Variants in TMEM131L observed in about 807,000 individuals in gnomAD.
TMEM131L encodes the protein transmembrane 131 like, also known as transmembrane protein 131-like.
Under a neutral mutation model 192.2 loss-of-function variants are expected in TMEM131L, and 54 were observed. That is an observed-to-expected ratio of 0.28 (90% CI 0.23 to 0.35). The LOEUF (loss-of-function observed/expected upper bound fraction) is 0.35. TMEM131L is among the 10% of genes least tolerant of loss of function. The pLI, the probability that TMEM131L is intolerant of heterozygous loss-of-function variation, is 1.00. For missense variants in TMEM131L, 1,888 were observed against 1,972.9 expected (o/e 0.96, Z 0.82); for synonymous variants, 701 against 704.9 (o/e 0.99, Z 0.09).
At chr4:153,467,332 G>C in intron 2 of TMEM131L, 51 bp downstream of exon 2, 1 of 1,486,714 alleles carries the variant, frequency 6.7e-7, no homozygotes, top group Non-Finnish European at 9.2e-7. Flanking sequence ...GGGAGGAGAG[G>C]CGGGGAGGCC....
At chr4:153,480,380 C>T (rs984780136) in intron 3 of TMEM131L, among the ~76,000 whole-genome samples, 5 of 151,692 alleles carry the variant, frequency 3.3e-5, no homozygotes, top group East Asian at 1.9e-4. Flanking sequence ...ATAAGCCGGG[C>T]GTGGCAGCAT....
At position 153,636,573 on chromosome 4, in the gene TMEM131L, G is replaced by C. The variant is rs1734598299; in HGVS notation, c.4830G>C (p.Val1610=). ...GAGACTCGAGTTACTGTGGGAATGT[G>C]TGAAAATAATTGGATTTTTAAACAA... ...LSRDSSYCGN[V] is the part of the protein sequence containing the mutation. The change falls in exon 35 of 35, where the codon GTG becomes GTC. Residue 1610 remains valine (V), a synonymous_variant. Coordinates refer to ENST00000409959, the MANE Select transcript of TMEM131L (RefSeq NM_001131007.2). The C allele has an allele frequency of 6.2e-7, 1 of 1,608,734 alleles. No homozygotes were observed. Among genetic ancestry groups the C allele is most frequent in the Admixed American group, 1.7e-5 (1 of 59,728 alleles).
At chr4:153,551,009 AAAGCAACATAAGG>A (rs1737579511) in intron 4 of TMEM131L, among the ~76,000 whole-genome samples, 1 of 152,366 alleles carries the variant, frequency 6.6e-6, no homozygotes, top group South Asian at 2.1e-4. Context: ...TGTGGAGATG[AAAGCAACATAAGG>A]ACTCTTGTTG....
chr4:153,571,149 A>G (rs967931486), intron 7 of TMEM131L, among the ~76,000 whole-genome samples: 1 of 152,074 alleles, frequency 6.6e-6, no homozygotes, highest in Admixed American at 6.5e-5. Flanking sequence ...AAAAACATCT[A>G]TAGTTCAAAC....
At chr4:153,618,625 G>A (rs1299549659) in intron 26 of TMEM131L, among the ~76,000 whole-genome samples, 1 of 152,192 alleles carries the variant, frequency 6.6e-6, no homozygotes, top group Non-Finnish European at 1.5e-5. Flanking sequence ...AACTGAGGCA[G>A]AGAGGCTAAG....
intron 3 of TMEM131L, among the ~76,000 whole-genome samples, chr4:153,475,130 A>T (rs1167459764): frequency 6.6e-6 from 1 of 152,212 alleles, no homozygotes; most frequent in Non-Finnish European, 1.5e-5. Flanking sequence ...TGTTGGCTTC[A>T]TCTTGGGCAA....
chr4:153,622,185 C>G (rs1015538493), intron 28 of TMEM131L, among the ~76,000 whole-genome samples: 1 of 152,166 alleles, frequency 6.6e-6, no homozygotes, highest in Non-Finnish European at 1.5e-5. Context: ...TACCCCCGTG[C>G]CTGAGTCCAG....
chr4:153,486,602 G>T (rs770774862), intron 3 of TMEM131L, among the ~76,000 whole-genome samples: 23 of 152,216 alleles, frequency 1.5e-4, no homozygotes, highest in Non-Finnish European at 3.2e-4. Context: ...GTGCCGTGCA[G>T]CTCCCCTCAC....
At position 153,581,663 on chromosome 4, in the gene TMEM131L, GCCTTTGCTTTAATTA is replaced by G. The variant is rs1208990350; in HGVS notation, c.892+104_892+118del. ...GTATCATAGCAAACCAAGACAAATA[GCCTTTGCTTTAATTA>G]TTAAGTGATTGTAGTAGTAACTGGT... On this transcript the variant is annotated intron_variant, in intron 9 of 34. Transcript: ENST00000409959. The G allele has an allele frequency of 9.8e-6, 7 of 717,458 alleles. No individual in the cohort carries two copies. In the African/African-American group the frequency reaches 1.1e-4, roughly 11 times the overall value. The allele number at this position is 717,458 out of a possible 1,614,324, so 44.4% of individuals were successfully genotyped here.
intron 31 of TMEM131L, among the ~76,000 whole-genome samples, chr4:153,628,738 A>G (rs572265740): frequency 5.3e-5 from 8 of 152,324 alleles, no homozygotes; most frequent in Non-Finnish European, 1.0e-4. Context: ...TGTGAGAGAA[A>G]GGTAGGATTT....
At chr4:153,551,000 G>A (rs528710692) in intron 4 of TMEM131L, among the ~76,000 whole-genome samples, 1 of 152,356 alleles carries the variant, frequency 6.6e-6, no homozygotes, top group South Asian at 2.1e-4. Context: ...GGGTGACGCT[G>A]TGGAGATGAA....
At chr4:153,629,575 C>T (rs904754592) in intron 31 of TMEM131L, among the ~76,000 whole-genome samples, 15 of 152,322 alleles carry the variant, frequency 9.8e-5, no homozygotes, top group East Asian at 3.9e-4. Context: ...TTAGGAGACT[C>T]CTTAGAAGAA....
intron 3 of TMEM131L, among the ~76,000 whole-genome samples, chr4:153,538,398 G>T (rs1736503861): frequency 6.6e-6 from 1 of 152,202 alleles, no homozygotes; most frequent in East Asian, 1.9e-4. Flanking sequence ...GTTTACATCA[G>T]TGCAGGGCCA....
chr4:153,510,865 C>T (rs1251688145), intron 3 of TMEM131L, among the ~76,000 whole-genome samples: 1 of 149,070 alleles, frequency 6.7e-6, no homozygotes, highest in Non-Finnish European at 1.5e-5. Flanking sequence ...CCAGCCTGGA[C>T]AATGTAGTGA....
intron 11 of TMEM131L, 31 bp downstream of exon 11, chr4:153,583,703 C>G (rs750038344): frequency 8.0e-7 from 1 of 1,252,000 alleles, no homozygotes; most frequent in African/African-American, 1.5e-5. Context: ...TGTCATTTGA[C>G]TTTTGTTATC....
intron 6 of TMEM131L, 53 bp downstream of exon 6, chr4:153,557,135 GGTGT>G: frequency 1.3e-6 from 1 of 790,628 alleles, no homozygotes; most frequent in African/African-American, 1.7e-5. Flanking sequence ...TAACTGTAGG[GGTGT>G]GTGTGTATAT....
At chr4:153,466,967 C>A (rs1245694913) in intron 1 of TMEM131L, among the ~76,000 whole-genome samples, 1 of 152,192 alleles carries the variant, frequency 6.6e-6, no homozygotes, top group African/African-American at 2.4e-5. Flanking sequence ...TTCGTCCCCC[C>A]ACCCCCAGCA....
At chr4:153,529,895 T>C (rs1390476713) in intron 3 of TMEM131L, among the ~76,000 whole-genome samples, 1 of 152,240 alleles carries the variant, frequency 6.6e-6, no homozygotes, top group Non-Finnish European at 1.5e-5. Flanking sequence ...TTACACAAGA[T>C]GTTACCATAT....
At chr4:153,502,341 G>A (rs1314455855) in intron 3 of TMEM131L, among the ~76,000 whole-genome samples, 1 of 152,296 alleles carries the variant, frequency 6.6e-6, no homozygotes, top group East Asian at 1.9e-4. Flanking sequence ...CTGCAGCCAT[G>A]TGCCTGTTTC....
Sources: allele counts gnomAD v4.1 joint callset (sites outside exome capture counted in the v4.1 genomes callset), GRCh38; gene constraint gnomAD v4.1.1; transcripts MANE v1.5; gene names NCBI Gene and HGNC (gene_info 2026-07-23, HGNC 2026-07-21).